The following SPAG16 variants were observed in gnomAD, a reference collection of about 807,000 sequenced individuals.
The protein encoded by SPAG16 is sperm-associated antigen 16 protein.
Under a neutral mutation model 80.4 loss-of-function variants are expected in SPAG16, and 86 were observed. The observed-to-expected ratio is 1.07, with a 90% CI of 0.90 to 1.28. The LOEUF is 1.28. Ranked by LOEUF, SPAG16 falls within the 50% of genes most tolerant of loss-of-function variation. The probability of loss-of-function intolerance (pLI) is 0.00; values close to 1 mark genes in which losing one functional copy is unlikely to be tolerated. For synonymous variants in SPAG16, 294 were observed against 265.9 expected (o/e 1.11, Z -1.03); for missense variants, 870 against 765.3 (o/e 1.14, Z -1.61).
chr2:213,836,044 C>A (rs10932501), intron 10 of SPAG16, among the ~76,000 whole-genome samples: 53,255 of 151,856 alleles, frequency 0.35, 9,914 homozygotes, highest in East Asian at 0.53. Flanking sequence ...AATTGAGTTA[C>A]CCAGTGATAA....
chr2:214,305,412 A>G (rs1694844683), intron 15 of SPAG16, among the ~76,000 whole-genome samples: 1 of 152,100 alleles, frequency 6.6e-6, no homozygotes, highest in African/African-American at 2.4e-5. Flanking sequence ...TTTTGTTGCA[A>G]TTGCTTTTGG....
chr2:213,318,018 A>G (rs2063472287), intron 5 of SPAG16: 1 of 152,136 alleles, frequency 6.6e-6, no homozygotes, highest in South Asian at 2.1e-4. Flanking sequence ...ACTAATTTAC[A>G]TTCCCACCAA....
chr2:213,582,371 A>T (rs2060326414), intron 10 of SPAG16, among the ~76,000 whole-genome samples: 1 of 152,108 alleles, frequency 6.6e-6, no homozygotes, highest in Non-Finnish European at 1.5e-5. Context: ...TTTAACATTG[A>T]CCTCAGGTTC....
chr2:214,242,105 A>C (rs1689538874), intron 15 of SPAG16, among the ~76,000 whole-genome samples: 1 of 152,216 alleles, frequency 6.6e-6, no homozygotes, highest in Admixed American at 6.5e-5. Context: ...CCATTAGAAC[A>C]GGGGCTTCAT....
chr2:214,024,258 T>C (rs192863753), intron 13 of SPAG16, among the ~76,000 whole-genome samples: 647 of 151,722 alleles, frequency 4.3e-3, no homozygotes, highest in Non-Finnish European at 6.5e-3. Flanking sequence ...AGAAGTAATA[T>C]GGGCTAAATC....
intron 9 of SPAG16, among the ~76,000 whole-genome samples, chr2:213,413,317 T>C (rs1264780179): frequency 1.3e-5 from 2 of 152,144 alleles, no homozygotes; most frequent in Non-Finnish European, 2.9e-5. Flanking sequence ...TTTTTTGAAG[T>C]ATCAGGTTGC....
chr2:214,016,784 A>G (rs770041023), intron 13 of SPAG16, among the ~76,000 whole-genome samples: 63 of 152,218 alleles, frequency 4.1e-4, no homozygotes, highest in Admixed American at 8.5e-4. Flanking sequence ...GATATTTTAT[A>G]AAGATCACAA....
intron 15 of SPAG16, among the ~76,000 whole-genome samples, chr2:214,378,853 A>G (rs565522866): frequency 6.6e-6 from 1 of 152,344 alleles, no homozygotes; most frequent in Non-Finnish European, 1.5e-5. Context: ...TCCAGCTTTT[A>G]CTTGGCAATG....
chr2:213,676,572 G>A lies in SPAG16; in HGVS notation c.1071-185913G>A, dbSNP rs929142500. On this transcript the variant is annotated intron_variant, in intron 10 of 15. Transcript: ENST00000331683. ...GATATGTCCCATTAATACCTAATTT[G>A]TTGAGAGTTTTTAGCATGAAGGGTT... Among the ~76,000 whole-genome samples the A allele has an allele frequency of 8.3e-3, 1,255 of 152,054 alleles. 15 individuals are homozygous for A. Among genetic ancestry groups the A allele is most frequent in the African/African-American group, 0.028 (1,143 of 41,452 alleles).
intron 12 of SPAG16, among the ~76,000 whole-genome samples, chr2:213,992,652 G>C (rs2046341202): frequency 6.6e-6 from 1 of 152,036 alleles, no homozygotes; most frequent in African/African-American, 2.4e-5. Flanking sequence ...AAGCAGACTA[G>C]TACCGAATAA....
intron 9 of SPAG16, among the ~76,000 whole-genome samples, chr2:213,395,210 A>G (rs1205848005): frequency 6.6e-6 from 1 of 151,112 alleles, no homozygotes; most frequent in Non-Finnish European, 1.5e-5. Context: ...TTAATTTCCT[A>G]TTTTCAATTT....
At chr2:213,598,357 A>G (rs1173279956) in intron 10 of SPAG16, among the ~76,000 whole-genome samples, 1 of 152,170 alleles carries the variant, frequency 6.6e-6, no homozygotes, top group African/African-American at 2.4e-5. Flanking sequence ...TATTTTACCT[A>G]TACAGTGAGT....
chr2:213,634,593 C>A (rs1369841986), intron 10 of SPAG16, among the ~76,000 whole-genome samples: 1 of 152,028 alleles, frequency 6.6e-6, no homozygotes, highest in Non-Finnish European at 1.5e-5. Flanking sequence ...TTTAGCATTA[C>A]TTTTTATTTA....
intron 15 of SPAG16, among the ~76,000 whole-genome samples, chr2:214,384,145 CTT>C (rs372913800): frequency 2.6e-5 from 4 of 152,304 alleles, no homozygotes; most frequent in African/African-American, 9.6e-5. Context: ...TATTAAAACA[CTT>C]AACATAAAGT....
At chr2:214,008,864 A>G (rs1219185943) in intron 12 of SPAG16, among the ~76,000 whole-genome samples, 2 of 152,174 alleles carry the variant, frequency 1.3e-5, no homozygotes, top group Non-Finnish European at 2.9e-5. Flanking sequence ...AATTATGGGA[A>G]GATCATTTTT....
At position 213,936,744 on chromosome 2, in the gene SPAG16, G is replaced by A. The variant is rs2079006548; in HGVS notation, c.1400+6599G>A. Among the ~76,000 whole-genome samples, 4 of 152,106 alleles carry A rather than the reference G, an allele frequency of 2.6e-5. 1 individual carries two copies. The highest frequency in any genetic ancestry group is 2.6e-4 in the Admixed American group (4 of 15,272). ...ACATTATAAAAGGCTTTTCCAACCA[G>A]GTGTATCAGCTGGTGATCCAGAAGC... On this transcript the variant is annotated intron_variant, in intron 12 of 15. Transcript: ENST00000331683.
intron 9 of SPAG16, among the ~76,000 whole-genome samples, chr2:213,426,884 G>A (rs184500002): frequency 3.8e-4 from 43 of 114,004 alleles, no homozygotes; most frequent in Middle Eastern, 5.7e-3. Context: ...CACACACACA[G>A]GGCTACACTC....
chr2:214,108,151 T>A (rs374966345), intron 13 of SPAG16, 45 bp from the exon 14 acceptor site: 9 of 1,464,580 alleles, frequency 6.1e-6, no homozygotes, highest in Non-Finnish European at 6.5e-6. Flanking sequence ...CTTTTTACGT[T>A]CCAAAAGAAA....
At chr2:214,320,899 T>TAAAC (rs1488996504) in intron 15 of SPAG16, among the ~76,000 whole-genome samples, 2 of 152,356 alleles carry the variant, frequency 1.3e-5, no homozygotes, top group East Asian at 3.9e-4. Context: ...TATTGTGAAG[T>TAAAC]AAACACTACG....
Sources: gnomAD v4.1 joint callset for allele counts (sites outside exome capture counted in the v4.1 genomes callset) on GRCh38, gnomAD v4.1.1 for gene constraint, MANE v1.5 for transcripts, NCBI Gene and HGNC (gene_info 2026-07-23, HGNC 2026-07-21) for gene names.